Variants in UGT1A8 observed in about 807,000 individuals in gnomAD.
The protein encoded by UGT1A8 is UDP glucuronosyltransferase family 1 member A8, also known as UDP-glucuronosyltransferase 1A8.
Under a neutral mutation model 45.3 loss-of-function variants are expected in UGT1A8, and 39 were observed. That is an observed-to-expected ratio of 0.86 (90% CI 0.67 to 1.12). The LOEUF is 1.12. Among genes scored for constraint, UGT1A8 ranks in the 50% most tolerant of loss-of-function variants. The pLI is 0.00. For synonymous variants in UGT1A8, 275 were observed against 249.2 expected, an observed-to-expected ratio of 1.10 and a Z score of -0.97; for missense variants, 719 against 664.9, an observed-to-expected ratio of 1.08 and a Z score of -0.90.
intron 1 of UGT1A8, among the ~76,000 whole-genome samples, chr2:233,757,535 AATATATAT>A (rs67292694): frequency 0.018 from 1,589 of 88,318 alleles, 155 homozygotes; most frequent in African/African-American, 0.076. Flanking sequence ...GCCTGTAAGG[AATATATAT>A]ATATATATAT....
At position 233,672,368 on chromosome 2, in the gene UGT1A8, T is replaced by C. The variant is rs1236482230; in HGVS notation, c.855+53806T>C. ...TTAAAGGAGAGTTCTTTTGATGCAG[T>C]GTTTCTCGATCCTTTTGATAACTGT... On this transcript the variant is annotated intron_variant, in intron 1 of 4. Coordinates refer to ENST00000373450, the MANE Select transcript of UGT1A8 (RefSeq NM_019076.5). 6 of 1,614,152 alleles carry C rather than the reference T, an allele frequency of 3.7e-6. No homozygotes were observed. The Admixed American group carries it at 1.0e-4, about 27-fold the overall frequency.
Position 233,769,593 on chromosome 2 carries a change from G to A in UGT1A8, c.1295+1154G>A, listed in dbSNP as rs748291102. The A allele has an allele frequency of 1.9e-5, 30 of 1,612,700 alleles. No homozygotes were observed. The East Asian group carries it at 4.2e-4, about 23-fold the overall frequency. On this transcript the variant is annotated intron_variant, in intron 4 of 4. Coordinates refer to ENST00000373450, the MANE Select transcript of UGT1A8 (RefSeq NM_019076.5). The surrounding 1 kb of genome is among the most constrained non-coding windows in gnomAD (Gnocchi z 4.4). ...GGAGCATGTTCAGATGAGAGGAGAC[G>A]GAACACGGGGACACACCAGCTTGAG... is the stretch of plus-strand genomic sequence containing the variant.
intron 1 of UGT1A8, among the ~76,000 whole-genome samples, chr2:233,661,622 A>ATTTTCTTTCTTTC (rs71058570): frequency 0.063 from 4,329 of 68,476 alleles, 143 homozygotes; most frequent in South Asian, 0.15. Flanking sequence ...GACTTACTGA[A>ATTTTCTTTCTTTC]TTTTCTTTCT....
At chr2:233,724,171 C>T (rs1472955249) in intron 1 of UGT1A8, among the ~76,000 whole-genome samples, 39 of 91,410 alleles carry the variant, frequency 4.3e-4, no homozygotes, top group South Asian at 7.8e-4. Context: ...CTGACCCCCC[C>T]ATCTCCCTCC....
At chr2:233,760,890 A>G (rs755957493) in intron 1 of UGT1A8, 1 of 1,614,048 alleles carries the variant, frequency 6.2e-7, no homozygotes, top group South Asian at 1.1e-5. Context: ...CCTCTCATTC[A>G]GATCACATGA....
At chr2:233,660,662 A>G (rs1361148449) in intron 1 of UGT1A8, among the ~76,000 whole-genome samples, 2 of 152,208 alleles carry the variant, frequency 1.3e-5, no homozygotes, top group Non-Finnish European at 2.9e-5. Context: ...TTTGCATAAG[A>G]CGACAGAGTT....
chr2:233,772,501 G>A lies in UGT1A8; in HGVS notation c.1535G>A (p.Arg512Gln), dbSNP rs778667717. Residue 512 changes from arginine (R) to glutamine (Q), a missense_variant, in exon 5 of 5, where the codon CGG (arginine) becomes CAG (glutamine). Transcript: ENST00000373450. Reference protein sequence around the residue: ...ITFKCCAYGYRKCLGKKGRVK... With the variant: ...ITFKCCAYGYQKCLGKKGRVK... Reference sequence around the variant, plus strand: ...TTTAAATGTTGTGCTTATGGCTACCGGAAATGCTTGGGGAAAAAAGGGCGA... The same window carrying A: ...TTTAAATGTTGTGCTTATGGCTACCAGAAATGCTTGGGGAAAAAAGGGCGA... The A allele has an allele frequency of 1.8e-5, 29 of 1,614,036 alleles. No homozygotes were observed. The highest frequency in any genetic ancestry group is 5.5e-5 in the South Asian group (5 of 91,088).
chr2:233,715,550 T>C (rs1275679420), intron 1 of UGT1A8, among the ~76,000 whole-genome samples: 5 of 152,112 alleles, frequency 3.3e-5, no homozygotes, highest in African/African-American at 7.2e-5. Flanking sequence ...GGGAGGAGGA[T>C]TGCTTGAGCC....
chr2:233,722,001 G>C, intron 1 of UGT1A8: 1 of 262,504 alleles, frequency 3.8e-6, no homozygotes. Context: ...TGTCCTTTAA[G>C]TGAACAGGAA....
chr2:233,760,680 G>A, intron 1 of UGT1A8: 1 of 1,614,136 alleles, frequency 6.2e-7, no homozygotes, highest in Non-Finnish European at 8.5e-7. Flanking sequence ...CCCACTTACT[G>A]CACAACAAGG....
intron 1 of UGT1A8, among the ~76,000 whole-genome samples, chr2:233,669,577 A>G (rs1490153859): frequency 1.3e-5 from 2 of 152,018 alleles, no homozygotes; most frequent in East Asian, 3.8e-4. Flanking sequence ...TTTCATTCCA[A>G]TTTTCAATTG....
intron 3 of UGT1A8, 43 bp from the exon 4 acceptor site, chr2:233,768,177 T>A (rs371628620): frequency 6.8e-6 from 11 of 1,613,824 alleles, no homozygotes; most frequent in Non-Finnish European, 9.3e-6. Flanking sequence ...GCTGTGAAAC[T>A]CAGAGATGTA....
At chr2:233,747,573 T>C (rs1169792054) in intron 1 of UGT1A8, 7 of 1,587,232 alleles carry the variant, frequency 4.4e-6, no homozygotes, top group African/African-American at 1.4e-5. Flanking sequence ...GAAAAATTCA[T>C]CTTTGGTCTT....
At chr2:233,618,603 T>C in intron 1 of UGT1A8, 41 bp downstream of exon 1, 1 of 1,548,590 alleles carries the variant, frequency 6.5e-7, no homozygotes, top group Non-Finnish European at 8.7e-7. Context: ...ATAATCTGGC[T>C]TTGGAAATTA....
At chr2:233,738,804 C>A (rs532221279) in intron 1 of UGT1A8, 1 of 152,292 alleles carries the variant, frequency 6.6e-6, no homozygotes, top group African/African-American at 2.4e-5. Flanking sequence ...GAAATACTAG[C>A]TAAAGAAATT....
chr2:233,637,524 T>C, intron 1 of UGT1A8: 1 of 1,408,590 alleles, frequency 7.1e-7, no homozygotes, highest in South Asian at 1.7e-5. Context: ...CGAATTCATG[T>C]ACTCATCAAT....
intron 1 of UGT1A8, among the ~76,000 whole-genome samples, chr2:233,752,079 A>T (rs1159289644): frequency 6.6e-6 from 1 of 152,210 alleles, no homozygotes; most frequent in Non-Finnish European, 1.5e-5. Flanking sequence ...AAGTCTCTCT[A>T]CCTGTTTGGA....
intron 1 of UGT1A8, among the ~76,000 whole-genome samples, chr2:233,688,680 A>G (rs1230576037): frequency 6.6e-6 from 1 of 152,200 alleles, no homozygotes; most frequent in Non-Finnish European, 1.5e-5. Flanking sequence ...TTTTTAAAAA[A>G]TTTAATATTA....
chr2:233,718,804 C>T (rs748979755), intron 1 of UGT1A8: 52 of 1,613,118 alleles, frequency 3.2e-5, no homozygotes, highest in African/African-American at 4.0e-5. Context: ...AGTCAGCTGT[C>T]GGTGGCTTCT....
Sources: gnomAD v4.1 joint callset for allele counts (sites outside exome capture counted in the v4.1 genomes callset) on GRCh38, gnomAD v4.1.1 for gene constraint, Gnocchi (gnomAD v3.1) non-coding constraint, MANE v1.5 for transcripts, NCBI Gene and HGNC (gene_info 2026-07-23, HGNC 2026-07-21) for gene names.